The following PLEKHN1 variants were observed in gnomAD, a reference collection of about 807,000 sequenced individuals.
PLEKHN1 encodes the protein pleckstrin homology domain-containing family N member 1.
Under a neutral mutation model 72.8 loss-of-function variants are expected in PLEKHN1, and 68 were observed. That is an observed-to-expected ratio of 0.93 (90% CI 0.77 to 1.14). The LOEUF (loss-of-function observed/expected upper bound fraction) is 1.14, where lower values mean the gene tolerates loss of function less well. PLEKHN1 is among the 50% of genes most tolerant of loss of function. The pLI is 0.00. For missense variants in PLEKHN1, 1,015 were observed against 840.5 expected, an observed-to-expected ratio of 1.21 and a Z score of -2.57; for synonymous variants, 454 against 371.6, an observed-to-expected ratio of 1.22 and a Z score of -2.55.
chr1:967,620 G>A (rs1017948255), intron 2 of PLEKHN1, among the ~76,000 whole-genome samples: 30 of 152,282 alleles, frequency 2.0e-4, no homozygotes, highest in Admixed American at 1.7e-3. Context: ...TGGCATGGCC[G>A]TGCAGACCCC....
At position 970,607 on chromosome 1, in the gene PLEKHN1, G is replaced by T; in HGVS notation, c.411+6G>T. 6.2e-7 allele frequency: 1 copy of T among 1,611,906 alleles called. No individual in the cohort carries two copies. The stretch of plus-strand genomic sequence containing the variant: ...CGGAAGGACTCACATTTCAGGTGAG[G>T]CGGTGGGCAATGGGGTGGGGCCATG... On this transcript the variant is annotated splice_donor_region_variant and intron_variant, in intron 4 of 15. Coordinates refer to ENST00000379410, the MANE Select transcript of PLEKHN1 (RefSeq NM_032129.3). This position sits in a 1 kb window ranked among gnomAD's most constrained non-coding sequence, Gnocchi z 4.2.
chr1:970,610 G>A lies in PLEKHN1; in HGVS notation c.411+9G>A, dbSNP rs760785720. 6.2e-7 allele frequency: 1 copy of A among 1,611,518 alleles called. No individual in the cohort carries two copies. Among genetic ancestry groups the A allele is most frequent in the Non-Finnish European group, 8.5e-7 (1 of 1,179,228 alleles). On this transcript the variant is annotated intron_variant, in intron 4 of 15. Coordinates refer to ENST00000379410, the MANE Select transcript of PLEKHN1 (RefSeq NM_032129.3). The surrounding 1 kb of genome is among the most constrained non-coding windows in gnomAD (Gnocchi z 4.2). ...AAGGACTCACATTTCAGGTGAGGCG[G>A]TGGGCAATGGGGTGGGGCCATGGCC...
At chr1:971,303 A>ACC in intron 7 of PLEKHN1, 21 bp from the exon 8 acceptor site, 20 of 1,495,418 alleles carry the variant, frequency 1.3e-5, no homozygotes, top group Admixed American at 1.9e-5. Flanking sequence ...TCATCGCCTG[A>ACC]CCCCACCCCC....
At chr1:967,386 C>G (rs1013914732) in intron 2 of PLEKHN1, among the ~76,000 whole-genome samples, 2 of 129,550 alleles carry the variant, frequency 1.5e-5, no homozygotes, top group African/African-American at 5.9e-5. Context: ...ACCCCCCCCC[C>G]AGCCCCTGTG....
Position 971,342 on chromosome 1 carries a change from T to C in PLEKHN1, c.727T>C (p.Leu243=), listed in dbSNP as rs753475422. 1 of 1,571,690 alleles carries C rather than the reference T, an allele frequency of 6.4e-7. No homozygotes were observed. The highest frequency in any genetic ancestry group is 8.7e-7 in the Non-Finnish European group (1 of 1,155,502). ...LPAQEQWDRL[L]VLYPTSLAIF... Reference sequence around the variant, plus strand: ...CACCCAGGAGCAGTGGGACCGGCTCTTGGTCCTGTACCCAACGTCCTTGGC... The same window carrying C: ...CACCCAGGAGCAGTGGGACCGGCTCCTGGTCCTGTACCCAACGTCCTTGGC... Residue 243 remains leucine (L), a synonymous_variant, in exon 8 of 16, where the codon TTG becomes CTG. Coordinates refer to ENST00000379410, the MANE Select transcript of PLEKHN1 (RefSeq NM_032129.3).
At chr1:968,341 G>A (rs1247665916) in intron 2 of PLEKHN1, among the ~76,000 whole-genome samples, 2 of 152,230 alleles carry the variant, frequency 1.3e-5, no homozygotes, top group Non-Finnish European at 2.9e-5. Flanking sequence ...ACTTGGCCCT[G>A]AGCCTGTGGA....
At chr1:969,970 C>A (rs1448178781) in intron 2 of PLEKHN1, among the ~76,000 whole-genome samples, 1 of 151,994 alleles carries the variant, frequency 6.6e-6, no homozygotes. Flanking sequence ...AGGTTCTGTG[C>A]CTGTGGGGGG....
At chr1:972,253 C>A (rs2100472673) in intron 9 of PLEKHN1, 35 bp from the exon 10 acceptor site, 2 of 1,602,498 alleles carry the variant, frequency 1.2e-6, no homozygotes, top group South Asian at 1.1e-5. Context: ...AGGGGTGCAC[C>A]CCCCCGCCAG....
At chr1:972,017 C>T (rs1643355863) in intron 8 of PLEKHN1, 58 bp from the exon 9 acceptor site, 3 of 1,537,706 alleles carry the variant, frequency 2.0e-6, no homozygotes, top group South Asian at 2.3e-5. Flanking sequence ...GGGATGAGGC[C>T]AGGCGGGGCC....
Position 972,365 on chromosome 1 carries a change from G to T in PLEKHN1, c.943G>T (p.Val315Phe), listed in dbSNP as rs1275275428. Reference protein sequence around the residue: ...YGHWLLCLRAVTHREGAPPLP... With the variant: ...YGHWLLCLRAFTHREGAPPLP... Reference sequence around the variant, plus strand: ...TCACTGGCTGCTGTGCCTTCGCGCTGTCACCCACAGGGAGGGGGCCCCGCC... The same window carrying T: ...TCACTGGCTGCTGTGCCTTCGCGCTTTCACCCACAGGGAGGGGGCCCCGCC... Residue 315 changes from valine (V) to phenylalanine (F), a missense_variant, in exon 10 of 16, where the codon GTC becomes TTC. By Grantham distance (50) the Val-to-Phe change is conservative (BLOSUM62 -1). Coordinates refer to ENST00000379410, the MANE Select transcript of PLEKHN1 (RefSeq NM_032129.3). 6.3e-7 allele frequency: 1 copy of T among 1,597,422 alleles called. No individual in the cohort carries two copies. Among genetic ancestry groups the T allele is most frequent in the African/African-American group, 1.3e-5 (1 of 74,702 alleles).
intron 9 of PLEKHN1, 30 bp from the exon 10 acceptor site, chr1:972,258 C>A (rs548341523): frequency 6.2e-7 from 1 of 1,603,570 alleles, no homozygotes; most frequent in South Asian, 1.1e-5. Context: ...TGCACCCCCC[C>A]GCCAGCCCCT....
intron 2 of PLEKHN1, among the ~76,000 whole-genome samples, chr1:967,533 G>A (rs953248197): frequency 6.6e-6 from 1 of 152,160 alleles, no homozygotes; most frequent in Non-Finnish European, 1.5e-5. Flanking sequence ...AGCCTGGATG[G>A]GTGGGCTCCG....
intron 14 of PLEKHN1, 40 bp from the exon 15 acceptor site, chr1:974,276 G>C: frequency 6.2e-7 from 1 of 1,612,826 alleles, no homozygotes; most frequent in Non-Finnish European, 8.5e-7. Context: ...CCCTGCCTGG[G>C]GCTGTGCCCG....
intron 10 of PLEKHN1, 141 bp from the exon 11 acceptor site, chr1:972,720 C>A: frequency 8.9e-7 from 1 of 1,123,376 alleles, no homozygotes; most frequent in Non-Finnish European, 1.2e-6. Context: ...GAGCCGAGAT[C>A]GTGCCACTGT....
At chr1:968,087 G>A (rs191226724) in intron 2 of PLEKHN1, among the ~76,000 whole-genome samples, 333 of 152,344 alleles carry the variant, frequency 2.2e-3, no homozygotes, top group African/African-American at 4.8e-3. Flanking sequence ...GCTGAGCTGC[G>A]CTGCAGGGCC....
At chr1:974,099 G>T in intron 14 of PLEKHN1, 48 bp downstream of exon 14, 1 of 1,531,514 alleles carries the variant, frequency 6.5e-7, no homozygotes, top group South Asian at 1.2e-5. Context: ...CGGGCTGGCC[G>T]GGGGTCTGGT....
intron 14 of PLEKHN1, 62 bp from the exon 15 acceptor site, chr1:974,254 C>T (rs977672794): frequency 9.9e-6 from 16 of 1,608,672 alleles, no homozygotes; most frequent in African/African-American, 2.7e-5. Context: ...AGTGACAGGC[C>T]GCCTCCAAGC....
In PLEKHN1 at chr1:973,877, C is replaced by G; in HGVS notation, c.1479C>G (p.Ser493Arg). Residue 493 changes from serine to arginine, a missense_variant, in exon 14 of 16, where the codon AGC (serine) becomes AGG (arginine). By Grantham distance (110) the Ser-to-Arg change is moderately radical (BLOSUM62 -1). Transcript: ENST00000379410. The part of the protein sequence containing the change: ...MQSARGPTPS[S>R]PLPSVPVSVP... ...GTGCACGTGGACCCACGCCCTCGAG[C>G]CCACTCCCCTCGGTGCCTGTGTCTG... 1.9e-6 allele frequency: 3 copies of G among 1,610,932 alleles called. No homozygotes were observed. The highest frequency in any genetic ancestry group is 2.5e-6 in the Non-Finnish European group (3 of 1,179,878).
Position 971,329 on chromosome 1 carries a change from G to A in PLEKHN1, c.714G>A (p.Gln238=). ...CCCCACCCCCACCCACCCAGGAGCA[G>A]TGGGACCGGCTCTTGGTCCTGTACC... ...VKLQHLPAQE[Q]WDRLLVLYPT... The change falls in exon 8 of 16, where the codon CAG becomes CAA. Residue 238 remains glutamine, a synonymous_variant. Transcript: ENST00000379410. 1 of 1,505,564 alleles carries A rather than the reference G, an allele frequency of 6.6e-7. No homozygotes were observed. Among genetic ancestry groups the A allele is most frequent in the South Asian group, 1.2e-5 (1 of 84,840 alleles). The allele number at this position is 1,505,564 out of a possible 1,614,324, so 93.3% of individuals were successfully genotyped here.
Sources: allele counts gnomAD v4.1 joint callset (sites outside exome capture counted in the v4.1 genomes callset), GRCh38; gene constraint gnomAD v4.1.1; non-coding constraint Gnocchi (gnomAD v3.1); transcripts MANE v1.5; gene names NCBI Gene and HGNC (gene_info 2026-07-23, HGNC 2026-07-21).